TMEM181: variants seen among roughly 807,000 people sequenced by gnomAD.
TMEM181 encodes G protein-coupled receptor 178.
In TMEM181, 39 loss-of-function variants were observed where a neutral mutation model predicts 71.9. That is an observed-to-expected ratio of 0.54 (90% CI 0.42 to 0.71). The LOEUF is 0.71. Ranked by LOEUF, TMEM181 falls within the 30% of genes least tolerant of loss-of-function variation. The pLI is 0.00. For missense variants in TMEM181, 595 were observed against 583.0 expected, an observed-to-expected ratio of 1.02 and a Z score of -0.21; for synonymous variants, 245 against 228.8, an observed-to-expected ratio of 1.07 and a Z score of -0.64.
chr6:158,596,239 A>G (rs1333804826), intron 6 of TMEM181, among the ~76,000 whole-genome samples: 3 of 152,170 alleles, frequency 2.0e-5, no homozygotes, highest in African/African-American at 7.2e-5. Flanking sequence ...CCAATTCTTT[A>G]TACACGTTAC....
rs760306705 is a variant in TMEM181, at chr6:158,620,949, G to A, written c.897-2601G>A. 1.3e-5 allele frequency among the ~76,000 whole-genome samples: 2 copies of A among 152,202 alleles called. No homozygotes were observed. Among genetic ancestry groups the A allele is most frequent in the Non-Finnish European group, 2.9e-5 (2 of 68,044 alleles). On this transcript the variant is annotated intron_variant, in intron 10 of 16. Coordinates refer to ENST00000684151, the MANE Select transcript of TMEM181 (RefSeq NM_001376852.1). The surrounding 1 kb of genome is among the most constrained non-coding windows in gnomAD (Gnocchi z 4.5). Reference sequence around the variant, plus strand: ...AGTTAGGTCAGAGGCACTCTCTTACGGGCTAAGAGTATTTAAGCGTTCAGG... The same window carrying A: ...AGTTAGGTCAGAGGCACTCTCTTACAGGCTAAGAGTATTTAAGCGTTCAGG...
At chr6:158,536,737 G>A in exon 1 of TMEM181, 4 of 1,576,196 alleles carry the variant, frequency 2.5e-6, no homozygotes, top group Non-Finnish European at 1.7e-6. Context: ...TGCGCGGCAT[G>A]GACGCCGAGT....
intron 4 of TMEM181, 86 bp downstream of exon 4, chr6:158,584,130 G>A: frequency 1.7e-6 from 2 of 1,169,228 alleles, no homozygotes. Flanking sequence ...ATTCAGACAA[G>A]CAAGTGCTCA....
At chr6:158,569,703 C>T (rs193052539) in intron 1 of TMEM181, among the ~76,000 whole-genome samples, 22 of 151,816 alleles carry the variant, frequency 1.4e-4, no homozygotes, top group Admixed American at 1.1e-3. Context: ...CGGGTTCAAG[C>T]GATTCTCCTG....
intron 11 of TMEM181, among the ~76,000 whole-genome samples, chr6:158,624,360 C>T (rs752529417): frequency 2.0e-5 from 3 of 152,264 alleles, no homozygotes; most frequent in Admixed American, 1.3e-4. Context: ...CCGATTCCTG[C>T]TGTGCTGTCC....
At chr6:158,547,979 C>T (rs1373751228) in intron 1 of TMEM181, among the ~76,000 whole-genome samples, 1 of 152,024 alleles carries the variant, frequency 6.6e-6, no homozygotes, top group Non-Finnish European at 1.5e-5. Context: ...GCCCCTTCCA[C>T]CCCACAGACC....
intron 10 of TMEM181, 70 bp downstream of exon 10, chr6:158,608,820 A>C (rs1046752812): frequency 1.4e-6 from 2 of 1,443,262 alleles, no homozygotes; most frequent in Non-Finnish European, 1.9e-6. Context: ...AGGCCAGGCC[A>C]GGCGTAGTGG....
chr6:158,628,382 T>C (rs1786461115), intron 13 of TMEM181, 26 bp from the exon 14 acceptor site: 2 of 1,612,458 alleles, frequency 1.2e-6, no homozygotes, highest in South Asian at 2.2e-5. Context: ...GTTTACATAT[T>C]GTCTCTGCTC....
At chr6:158,547,887 CAAAAAAAAAAAAAA>C (rs34148643) in intron 1 of TMEM181, among the ~76,000 whole-genome samples, 3 of 57,040 alleles carry the variant, frequency 5.3e-5, no homozygotes, top group Non-Finnish European at 9.6e-5. Flanking sequence ...AACTCTGTCT[CAAAAAAAAAAAAAA>C]AAAAAAAAAA....
rs768339044 is a variant in TMEM181, at chr6:158,625,164, A to G, written c.1015A>G (p.Ile339Val). 11 of 1,613,986 alleles carry G rather than the reference A, an allele frequency of 6.8e-6. No individual in the cohort carries two copies. The highest frequency in any genetic ancestry group is 8.5e-6 in the Non-Finnish European group (10 of 1,180,016). ...GTACATTCTGTACCTCTTGTTCTTG[A>G]TAGTGCGGGCGTGTTCCGAGCTACG... ...AVYILYLLFL[I>V]VRACSELRHM... is the part of the protein sequence containing the mutation. The change falls in exon 12 of 17, where the codon ATA becomes GTA. Residue 339 changes from isoleucine (I) to valine (V), a missense_variant. Ile to Val is a conservative substitution (Grantham distance 29, BLOSUM62 3). Transcript: ENST00000684151.
intron 1 of TMEM181, among the ~76,000 whole-genome samples, chr6:158,560,742 C>T (rs1026062834): frequency 6.6e-6 from 1 of 152,100 alleles, no homozygotes; most frequent in African/African-American, 2.4e-5. Context: ...GGGAGCCTGC[C>T]GCAACAGCCC....
intron 1 of TMEM181, among the ~76,000 whole-genome samples, chr6:158,549,665 G>A (rs1781656421): frequency 6.6e-6 from 1 of 152,196 alleles, no homozygotes; most frequent in South Asian, 2.1e-4. Flanking sequence ...GGCGGTAAAG[G>A]AAGACAAAGG....
chr6:158,566,642 ATGAGGGAGGTGATGGGG>A (rs1315148745), intron 1 of TMEM181, among the ~76,000 whole-genome samples: 9 of 113,454 alleles, frequency 7.9e-5, no homozygotes, highest in Admixed American at 2.0e-4. Flanking sequence ...TGGTGAGCTC[ATGAGGGAGGTGATGGGG>A]TGAGGGAGGT....
chr6:158,582,178 T>C (rs575148515), intron 3 of TMEM181, among the ~76,000 whole-genome samples: 5 of 152,260 alleles, frequency 3.3e-5, no homozygotes, highest in African/African-American at 4.8e-5. Flanking sequence ...TCTTTCACTG[T>C]TGGCGTGATG....
chr6:158,605,158 G>GTGTGTGTA (rs66593856), intron 6 of TMEM181, 109 bp from the exon 7 acceptor site: 4 of 571,588 alleles, frequency 7.0e-6, no homozygotes, highest in Non-Finnish European at 9.3e-6. Context: ...GTGTGTGTGT[G>GTGTGTGTA]TATGTGTATA....
At chr6:158,627,022 C>T (rs985633240) in intron 13 of TMEM181, among the ~76,000 whole-genome samples, 1 of 148,448 alleles carries the variant, frequency 6.7e-6, no homozygotes, top group African/African-American at 2.6e-5. Flanking sequence ...CAGCCTCTCA[C>T]TCTCACACAT....
At chr6:158,627,484 A>T (rs1249850381) in intron 13 of TMEM181, among the ~76,000 whole-genome samples, 1 of 152,194 alleles carries the variant, frequency 6.6e-6, no homozygotes, top group Non-Finnish European at 1.5e-5. Context: ...TGTGACTTGC[A>T]GAGGGGAAGG....
intron 6 of TMEM181, among the ~76,000 whole-genome samples, chr6:158,603,203 C>T (rs1784764745): frequency 6.6e-6 from 1 of 152,140 alleles, no homozygotes; most frequent in South Asian, 2.1e-4. Flanking sequence ...CAAATTAGGC[C>T]AGTAGGCCAG....
upstream of TMEM181, among the ~76,000 whole-genome samples, chr6:158,555,383 A>G (rs567136713): frequency 6.6e-6 from 1 of 152,326 alleles, no homozygotes; most frequent in Non-Finnish European, 1.5e-5. Flanking sequence ...GCAAAACTAA[A>G]TTAACCTTAA....
Sources: allele counts gnomAD v4.1 joint callset (sites outside exome capture counted in the v4.1 genomes callset), GRCh38; gene constraint gnomAD v4.1.1; non-coding constraint Gnocchi (gnomAD v3.1); transcripts MANE v1.5; gene names NCBI Gene and HGNC (gene_info 2026-07-23, HGNC 2026-07-21).